Variants in RAB3GAP2 observed in about 807,000 individuals in gnomAD.
The protein encoded by RAB3GAP2 is rab3 GTPase-activating protein non-catalytic subunit.
In RAB3GAP2, 87 loss-of-function variants were observed where a neutral mutation model predicts 185.3. The observed-to-expected ratio is 0.47, with a 90% CI of 0.39 to 0.56. RAB3GAP2 has a LOEUF of 0.56. RAB3GAP2 is among the 20% of genes least tolerant of loss of function. RAB3GAP2 has a pLI of 0.00. For synonymous variants in RAB3GAP2, 554 were observed against 576.1 expected (o/e 0.96, Z 0.55); for missense variants, 1,492 against 1,638.2 (o/e 0.91, Z 1.54).
At chr1:220,242,228 C>T (rs1281886102) in intron 1 of RAB3GAP2, among the ~76,000 whole-genome samples, 4 of 152,122 alleles carry the variant, frequency 2.6e-5, no homozygotes, top group African/African-American at 4.8e-5. Context: ...GCATATTTAT[C>T]ATTGTTTTAT....
intron 1 of RAB3GAP2, among the ~76,000 whole-genome samples, chr1:220,237,835 C>A (rs1056193436): frequency 4.6e-5 from 7 of 150,990 alleles, no homozygotes; most frequent in Non-Finnish European, 1.0e-4. Flanking sequence ...AGAAATATAT[C>A]ATGAGCTACC....
chr1:220,233,400 G>A (rs890101032), intron 1 of RAB3GAP2, among the ~76,000 whole-genome samples: 27 of 152,114 alleles, frequency 1.8e-4, no homozygotes, highest in Admixed American at 1.4e-3. Flanking sequence ...ATGTTGGATC[G>A]TCCTCTCAGA....
chr1:220,271,817 G>T (rs1277231358), intron 1 of RAB3GAP2, among the ~76,000 whole-genome samples: 6 of 151,590 alleles, frequency 4.0e-5, no homozygotes, highest in African/African-American at 9.7e-5. Context: ...CATGTGGCAA[G>T]GAACGGGGAG....
At chr1:220,243,897 C>A (rs1225879837) in intron 1 of RAB3GAP2, among the ~76,000 whole-genome samples, 1 of 152,076 alleles carries the variant, frequency 6.6e-6, no homozygotes, top group Admixed American at 6.5e-5. Flanking sequence ...AAGCAGAAAA[C>A]ACAGGCACAG....
In RAB3GAP2 at chr1:220,163,740, CATACAT is replaced by C. The variant is rs1384698782; in HGVS notation, c.3154+987_3154+992del. ...ATCAGTCAAGGTAAATATATAAATACATACATATATATATATATATATATATATATA... is the reference window on the plus strand; with the variant it reads ...ATCAGTCAAGGTAAATATATAAATACATATATATATATATATATATATATA... On this transcript the variant is annotated intron_variant, in intron 27 of 34. Coordinates refer to ENST00000358951, the MANE Select transcript of RAB3GAP2 (RefSeq NM_012414.4). 2.1e-3 allele frequency among the ~76,000 whole-genome samples: 193 copies of C among 90,108 alleles called. 3 individuals are homozygous for C. The highest frequency in any genetic ancestry group is 5.4e-3 in the Middle Eastern group (1 of 184). 59.1% of individuals were successfully genotyped at this position (90,108 alleles called of 152,430 possible). A position where few individuals can be genotyped will look rare whatever the true frequency, so the allele number is the denominator to read the frequency against.
chr1:220,218,244 T>G (rs993717288), intron 2 of RAB3GAP2, among the ~76,000 whole-genome samples: 14 of 152,214 alleles, frequency 9.2e-5, no homozygotes, highest in African/African-American at 3.4e-4. Flanking sequence ...TTCTATGTCC[T>G]TTCTACTTCT....
Position 220,184,126 on chromosome 1 carries a change from A to G in RAB3GAP2, c.1908T>C (p.Cys636=). The G allele has an allele frequency of 6.2e-7, 1 of 1,610,986 alleles. No individual in the cohort carries two copies. The highest frequency in any genetic ancestry group is 8.5e-7 in the Non-Finnish European group (1 of 1,177,464). ...ESVDEGLLQF[C]ANKLKLLQLY... Reference sequence around the variant, plus strand: ...GTTGCAGCAGTTTTAGTTTATTGGCACAAAACTGTAGCAATCCTTCATCAA... The same window carrying G: ...GTTGCAGCAGTTTTAGTTTATTGGCGCAAAACTGTAGCAATCCTTCATCAA... The change falls in exon 19 of 35, where the codon TGT becomes TGC. Residue 636 remains cysteine, a synonymous_variant. Transcript: ENST00000358951.
intron 9 of RAB3GAP2, among the ~76,000 whole-genome samples, chr1:220,197,188 A>G (rs954060097): frequency 1.3e-5 from 2 of 151,990 alleles, no homozygotes; most frequent in Admixed American, 1.3e-4. Context: ...AAGTTTTGCC[A>G]TGTTGGCCAG....
At chr1:220,165,627 G>A (rs1298711719) in intron 26 of RAB3GAP2, among the ~76,000 whole-genome samples, 4 of 152,078 alleles carry the variant, frequency 2.6e-5, no homozygotes, top group Admixed American at 2.6e-4. Context: ...GTTGGATGGG[G>A]CAAGATGAAT....
intron 2 of RAB3GAP2, among the ~76,000 whole-genome samples, chr1:220,221,354 G>A (rs932953501): frequency 6.6e-6 from 1 of 152,130 alleles, no homozygotes; most frequent in Non-Finnish European, 1.5e-5. Context: ...AGATGGCTAA[G>A]TATTAAAAGC....
chr1:220,266,894 A>G (rs999590173), intron 1 of RAB3GAP2: 2 of 1,592,844 alleles, frequency 1.3e-6, no homozygotes, highest in African/African-American at 1.3e-5. Context: ...TCAACCCGTG[A>G]TATTCTTTTG....
chr1:220,264,616 C>T (rs1182003156), intron 1 of RAB3GAP2, among the ~76,000 whole-genome samples: 1 of 152,070 alleles, frequency 6.6e-6, no homozygotes, highest in East Asian at 1.9e-4. Context: ...AAAATCTAAA[C>T]TCCTTCACCA....
Position 220,167,538 on chromosome 1 carries a change from C to A in RAB3GAP2, c.2944G>T (p.Val982Leu). The change falls in exon 25 of 35, where the codon GTA (valine) becomes TTA (leucine). Residue 982 changes from valine to leucine, a missense_variant. Physicochemically the swap from Val to Leu is conservative, Grantham distance 32 (BLOSUM62 1). Transcript: ENST00000358951. ...CCTAAGTCCATCTCCATCTCTGATA[C>A]CTCAAGGAAACTTCTGTTAACACCT... is the stretch of plus-strand genomic sequence containing the variant. ...KEGVNRSFLE[V>L]SEMEMDLGAI... 1 of 1,614,104 alleles carries A rather than the reference C, an allele frequency of 6.2e-7. No homozygotes were observed. The highest frequency in any genetic ancestry group is 1.1e-5 in the South Asian group (1 of 91,076).
intron 21 of RAB3GAP2, among the ~76,000 whole-genome samples, chr1:220,173,262 C>T (rs1658212976): frequency 6.6e-6 from 1 of 152,164 alleles, no homozygotes; most frequent in South Asian, 2.1e-4. Context: ...AACCAAAAAA[C>T]TTAAGTCAAC....
intron 10 of RAB3GAP2, 104 bp from the exon 11 acceptor site, chr1:220,195,481 G>T (rs1420408066): frequency 5.7e-6 from 6 of 1,054,574 alleles, no homozygotes; most frequent in Middle Eastern, 3.0e-4. Flanking sequence ...AGTTGTAAAG[G>T]CTGGACTAGC....
intron 2 of RAB3GAP2, among the ~76,000 whole-genome samples, chr1:220,227,973 G>A (rs536674854): frequency 1.3e-5 from 2 of 152,200 alleles, no homozygotes; most frequent in South Asian, 2.1e-4. Context: ...GACTGGTCTC[G>A]TACTCCTGAC....
intron 1 of RAB3GAP2, among the ~76,000 whole-genome samples, chr1:220,260,008 T>A (rs1050733719): frequency 6.6e-6 from 1 of 152,162 alleles, no homozygotes; most frequent in Admixed American, 6.5e-5. Flanking sequence ...TCACTAATCA[T>A]TACAGAAATG....
At chr1:220,267,497 T>G in intron 1 of RAB3GAP2, 2 of 1,407,854 alleles carry the variant, frequency 1.4e-6, no homozygotes, top group Non-Finnish European at 1.0e-6. Flanking sequence ...AACTTTCCTT[T>G]ACCCGGAGGG....
intron 1 of RAB3GAP2, among the ~76,000 whole-genome samples, chr1:220,255,205 G>GA (rs950428221): frequency 1.3e-4 from 17 of 131,490 alleles, no homozygotes; most frequent in Non-Finnish European, 1.8e-4. Flanking sequence ...AAATTTCAAA[G>GA]AAAAAAAAAA....
Sources: allele counts gnomAD v4.1 joint callset (sites outside exome capture counted in the v4.1 genomes callset), GRCh38; gene constraint gnomAD v4.1.1; transcripts MANE v1.5; gene names NCBI Gene and HGNC (gene_info 2026-07-23, HGNC 2026-07-21).